Variants in RPL26 observed in about 807,000 individuals in gnomAD.
The protein encoded by RPL26 is large ribosomal subunit protein uL24.
Under a neutral mutation model 16.2 loss-of-function variants are expected in RPL26, and 1 was observed. The observed-to-expected ratio is 0.06, with a 90% confidence interval of 0.02 to 0.29. RPL26 has a LOEUF of 0.29. Among genes scored for constraint, RPL26 ranks in the 10% least tolerant of loss-of-function variants. RPL26 has a pLI of 1.00. For synonymous variants in RPL26, 55 were observed against 62.4 expected (o/e 0.88, Z 0.56); for missense variants, 102 against 184.3 (o/e 0.55, Z 2.58).
intron 2 of RPL26, among the ~76,000 whole-genome samples, chr17:8,380,272 A>G (rs9901439): frequency 0.35 from 53,035 of 152,054 alleles, 9,866 homozygotes; most frequent in Admixed American, 0.46. Flanking sequence ...GAGGACAAGT[A>G]TTTCTGAACA....
At chr17:8,379,750 TA>T (rs749378459) in intron 3 of RPL26, 45 bp downstream of exon 3, 11 of 1,569,372 alleles carry the variant, frequency 7.0e-6, no homozygotes, top group Non-Finnish European at 7.0e-6. Flanking sequence ...ATGTCAACAA[TA>T]ATTGCCATAA....
intron 1 of RPL26, chr17:8,382,520 G>C: frequency 5.8e-6 from 3 of 520,684 alleles, no homozygotes; most frequent in African/African-American, 1.9e-5. Flanking sequence ...GGTGTTTTCT[G>C]TATATGTTTA....
intron 3 of RPL26, 120 bp downstream of exon 3, chr17:8,379,676 A>G: frequency 1.1e-6 from 1 of 913,046 alleles, no homozygotes; most frequent in Non-Finnish European, 1.7e-6. Context: ...TTTACTTTAA[A>G]ATGTTTTTTT....
rs1307625447 is a variant in RPL26 at position 8,382,945 on chromosome 17, C to G, written c.-6+212G>C. 7.5e-6 allele frequency: 3 copies of G among 398,112 alleles called. No homozygotes were observed. The East Asian group carries it at 1.1e-4, about 14-fold the overall frequency. 24.7% of individuals were successfully genotyped at this position (398,112 alleles called of 1,614,324 possible). A position where few individuals can be genotyped will look rare whatever the true frequency, so the allele number is the denominator to read the frequency against. On this transcript the variant is annotated intron_variant, in intron 1 of 3. Coordinates refer to ENST00000648839, the MANE Select transcript of RPL26 (RefSeq NM_000987.5). ...TTCCACAGGCTCCCTTCCCTCAGCTCGTTTTCGAGTTCCCAAATCCCCGGT... is the reference window on the plus strand; with the variant it reads ...TTCCACAGGCTCCCTTCCCTCAGCTGGTTTTCGAGTTCCCAAATCCCCGGT...
At position 8,377,649 on chromosome 17, in the gene RPL26, A is replaced by C. The variant is rs1426086676; in HGVS notation, c.353T>G (p.Ile118Ser). 2 of 1,611,684 alleles carry C rather than the reference A, an allele frequency of 1.2e-6. No individual in the cohort carries two copies. Among genetic ancestry groups the C allele is most frequent in the East Asian group, 4.5e-5 (2 of 44,862 alleles). Residue 118 changes from isoleucine (I) to serine (S), a missense_variant, in exon 4 of 4, where the codon ATC becomes AGC. Physicochemically the swap from Ile to Ser is moderately radical, Grantham distance 142. Coordinates refer to ENST00000648839, the MANE Select transcript of RPL26 (RefSeq NM_000987.5). ...GCGAGATTTGGCTTTCCGTTCGAGG[A>C]TCTTTTTGCGGTCTTTGTCCAGTTT... ...RLKLDKDRKK[I>S]LERKAKSRQV...
chr17:8,382,268 G>T lies in RPL26; in HGVS notation c.43C>A (p.Arg15Ser). Residue 15 changes from arginine to serine, a missense_variant, in exon 2 of 4, where the codon CGC becomes AGC. Transcript: ENST00000648839. Reference protein sequence around the residue: ...PFVTSDRSKNRKRHFNAPSHI... With the variant: ...PFVTSDRSKNSKRHFNAPSHI... ...GAAGGTGCATTGAAATGCCTTTTGC[G>T]ATTCTTGCTTCGGTCGGAAGTCACA... The T allele has an allele frequency of 1.2e-6, 2 of 1,613,678 alleles. No homozygotes were observed. The highest frequency in any genetic ancestry group is 2.2e-5 in the South Asian group (2 of 91,044).
chr17:8,382,764 G>A, intron 1 of RPL26: 2 of 342,746 alleles, frequency 5.8e-6, no homozygotes. Flanking sequence ...AAATGAATAA[G>A]GCCCACCAAC....
At chr17:8,382,098 C>A in intron 2 of RPL26, 45 bp downstream of exon 2, 1 of 1,527,824 alleles carries the variant, frequency 6.5e-7, no homozygotes, top group South Asian at 1.1e-5. Flanking sequence ...AAGCTAAGTG[C>A]GTAAAATATC....
rs1202522089 is a variant in RPL26, at chr17:8,377,707, GAAAA to G, written c.310-19_310-16del. On this transcript the variant is annotated splice_polypyrimidine_tract_variant and intron_variant, in intron 3 of 3. Transcript: ENST00000648839. ...GTGATAACCACCTGCAGAAAAATAA[GAAAA>G]AAACACTCCCAAGCTTTAAATAATC... is the stretch of plus-strand genomic sequence containing the variant. The G allele has an allele frequency of 1.3e-6, 2 of 1,591,718 alleles. No individual in the cohort carries two copies. Among genetic ancestry groups the G allele is most frequent in the Non-Finnish European group, 1.7e-6 (2 of 1,169,668 alleles).
chr17:8,377,719 C>T (rs1223314848), intron 3 of RPL26, 27 bp from the exon 4 acceptor site: 1 of 1,590,472 alleles, frequency 6.3e-7, no homozygotes. Context: ...AAAAAACACT[C>T]CCAAGCTTTA....
At chr17:8,379,697 TA>T in intron 3 of RPL26, 98 bp downstream of exon 3, 2 of 1,136,082 alleles carry the variant, frequency 1.8e-6, no homozygotes, top group African/African-American at 3.1e-5. Flanking sequence ...CCAGCACATG[TA>T]AAATCAAGGA....
In RPL26 at chr17:8,377,710, A is replaced by C. The variant is rs1288712387; in HGVS notation, c.310-18T>G. 6.3e-7 allele frequency: 1 copy of C among 1,597,700 alleles called. No individual in the cohort carries two copies. The highest frequency in any genetic ancestry group is 2.2e-5 in the East Asian group (1 of 44,738). ...ATAACCACCTGCAGAAAAATAAGAAAAAAACACTCCCAAGCTTTAAATAAT... is the reference window on the plus strand; with the variant it reads ...ATAACCACCTGCAGAAAAATAAGAACAAAACACTCCCAAGCTTTAAATAAT... On this transcript the variant is annotated intron_variant, in intron 3 of 3. Transcript: ENST00000648839.
At chr17:8,381,944 A>C in intron 2 of RPL26, 199 bp downstream of exon 2, 1 of 491,756 alleles carries the variant, frequency 2.0e-6, no homozygotes, top group Non-Finnish European at 3.6e-6. Flanking sequence ...AAAAAAAAAA[A>C]AAAAAGATTT....
At chr17:8,383,078 G>A in intron 1 of RPL26, 79 bp downstream of exon 1, 1 of 398,600 alleles carries the variant, frequency 2.5e-6, no homozygotes, top group African/African-American at 2.1e-5. Context: ...AGAGACTCTC[G>A]GGGTCCCCGC....
Position 8,377,567 on chromosome 17 carries a change from T to C in RPL26, c.435A>G (p.Glu145=), listed in dbSNP as rs778556971. The stretch of plus-strand genomic sequence containing the variant: ...AAAGCTTGTATATAAGATTACTTTA[T>C]TCCTGCATCTTCTCAATGGTTTCTT... ...YKEETIEKMQ[E] The change falls in exon 4 of 4, where the codon GAA becomes GAG. Residue 145 remains glutamate (E), a synonymous_variant. Coordinates refer to ENST00000648839, the MANE Select transcript of RPL26 (RefSeq NM_000987.5). 3 of 1,590,152 alleles carry C rather than the reference T, an allele frequency of 1.9e-6. No individual in the cohort carries two copies. Among genetic ancestry groups the C allele is most frequent in the African/African-American group, 1.3e-5 (1 of 74,250 alleles).
At chr17:8,382,439 TCAA>T in intron 1 of RPL26, 124 bp from the exon 2 acceptor site, 2 of 693,614 alleles carry the variant, frequency 2.9e-6, no homozygotes, top group Non-Finnish European at 4.8e-6. Flanking sequence ...TTGTGCAACT[TCAA>T]CAAAAACTGT....
chr17:8,378,058 C>A (rs758823979), intron 3 of RPL26, among the ~76,000 whole-genome samples: 2 of 152,282 alleles, frequency 1.3e-5, no homozygotes, highest in Admixed American at 6.5e-5. Flanking sequence ...AGGCTGGGTG[C>A]GGTGGTTCAT....
At chr17:8,378,247 C>G (rs1295358842) in intron 3 of RPL26, among the ~76,000 whole-genome samples, 1 of 141,616 alleles carries the variant, frequency 7.1e-6, no homozygotes, top group African/African-American at 2.5e-5. Context: ...AGGAGAATCT[C>G]TGGAACCCTG....
rs779824127 is a variant in RPL26 at position 8,379,854 on chromosome 17, C to T, written c.251G>A (p.Arg84Gln). 1.2e-6 allele frequency: 2 copies of T among 1,613,700 alleles called. No homozygotes were observed. Among genetic ancestry groups the T allele is most frequent in the Non-Finnish European group, 1.7e-6 (2 of 1,179,682 alleles). The change falls in exon 3 of 4, where the codon CGG becomes CAG. Residue 84 changes from arginine to glutamine, a missense_variant. Arg to Gln is a conservative substitution (Grantham distance 43). Transcript: ENST00000648839. Reference sequence around the variant, plus strand: ...GCCATTAGCCTTTTCCCGCTGCACCCGTTCAATGTAGATAACATATTTCTT... The same window carrying T: ...GCCATTAGCCTTTTCCCGCTGCACCTGTTCAATGTAGATAACATATTTCTT... ...YRKKYVIYIE[R>Q]VQREKANGTT...
Sources: gnomAD v4.1 joint callset for allele counts (sites outside exome capture counted in the v4.1 genomes callset) on GRCh38, gnomAD v4.1.1 for gene constraint, MANE v1.5 for transcripts, NCBI Gene and HGNC (gene_info 2026-07-23, HGNC 2026-07-21) for gene names.